The following RAD51B variants were observed in gnomAD, a reference collection of about 807,000 sequenced individuals.
RAD51B encodes the protein DNA repair protein RAD51 homolog 2.
In RAD51B, 38 loss-of-function variants were observed where a neutral mutation model predicts 42.2. That is an observed-to-expected ratio of 0.90 (90% CI 0.70 to 1.18). RAD51B has a LOEUF of 1.18. RAD51B is among the 50% of genes most tolerant of loss of function. The pLI, the probability that RAD51B is intolerant of heterozygous loss-of-function variation, is 0.00. For missense variants in RAD51B, 373 were observed against 400.7 expected, an observed-to-expected ratio of 0.93 and a Z score of 0.59; for synonymous variants, 154 against 145.2, an observed-to-expected ratio of 1.06 and a Z score of -0.43.
chr14:67,930,908 G>A (rs2044704266), intron 7 of RAD51B, among the ~76,000 whole-genome samples: 1 of 148,902 alleles, frequency 6.7e-6, no homozygotes, highest in African/African-American at 2.5e-5. Flanking sequence ...TGGTCTGCCT[G>A]GGTTATTTCT....
chr14:67,869,476 T>A (rs1000676771), intron 5 of RAD51B, among the ~76,000 whole-genome samples: 1 of 152,116 alleles, frequency 6.6e-6, no homozygotes, highest in Non-Finnish European at 1.5e-5. Flanking sequence ...TACCTGAAAG[T>A]GACGGGGAGA....
At chr14:68,543,253 T>C (rs972376634) in intron 10 of RAD51B, among the ~76,000 whole-genome samples, 3 of 152,220 alleles carry the variant, frequency 2.0e-5, no homozygotes, top group Non-Finnish European at 4.4e-5. Context: ...GGCTGTAGTT[T>C]GCCAACCCCT....
intron 10 of RAD51B, among the ~76,000 whole-genome samples, chr14:68,633,071 G>T (rs1566960346): frequency 8.0e-6 from 1 of 124,602 alleles, no homozygotes; most frequent in South Asian, 2.6e-4. Context: ...CTCCTGTCTT[G>T]GCCTCCCAAA....
intron 7 of RAD51B, among the ~76,000 whole-genome samples, chr14:68,273,505 T>TG (rs899975601): frequency 2.0e-5 from 3 of 152,200 alleles, no homozygotes; most frequent in African/African-American, 7.2e-5. Flanking sequence ...ATTGGACAGT[T>TG]GCTTGGTAAG....
chr14:68,596,104 T>G, downstream of RAD51B: 1 of 958,914 alleles, frequency 1.0e-6, no homozygotes, highest in South Asian at 5.0e-5. Flanking sequence ...TATTGGAGAT[T>G]CAAATTCTTC....
At chr14:68,661,644 A>C (rs1040459013) in intron 11 of RAD51B, among the ~76,000 whole-genome samples, 1 of 152,210 alleles carries the variant, frequency 6.6e-6, no homozygotes, top group Non-Finnish European at 1.5e-5. Context: ...AAGTGTTAGC[A>C]TGAAGGGGGC....
intron 10 of RAD51B, among the ~76,000 whole-genome samples, chr14:68,551,271 A>G (rs542121020): frequency 1.8e-4 from 27 of 152,218 alleles, no homozygotes; most frequent in Non-Finnish European, 3.1e-4. Flanking sequence ...CACACATTAA[A>G]TATCCATGCT....
At chr14:68,572,945 G>A (rs150495424) in intron 10 of RAD51B, among the ~76,000 whole-genome samples, 46 of 152,280 alleles carry the variant, frequency 3.0e-4, no homozygotes, top group African/African-American at 1.1e-3. Flanking sequence ...TACGCGTGAG[G>A]AGACAAAAGC....
chr14:68,408,880 T>C (rs2084347604), intron 8 of RAD51B, among the ~76,000 whole-genome samples: 1 of 152,182 alleles, frequency 6.6e-6, no homozygotes, highest in African/African-American at 2.4e-5. Flanking sequence ...CTTGAGATCC[T>C]GGATGAATTC....
intron 8 of RAD51B, among the ~76,000 whole-genome samples, chr14:68,328,986 T>C (rs2082297061): frequency 6.6e-6 from 1 of 152,164 alleles, no homozygotes; most frequent in Non-Finnish European, 1.5e-5. Flanking sequence ...TTATTTTGTA[T>C]ATTATGTCAC....
At chr14:67,967,776 G>A (rs1298098988) in intron 7 of RAD51B, among the ~76,000 whole-genome samples, 1 of 152,170 alleles carries the variant, frequency 6.6e-6, no homozygotes. Flanking sequence ...GGCTTTTCAA[G>A]GTGGAAGGTG....
intron 7 of RAD51B, among the ~76,000 whole-genome samples, chr14:68,145,483 C>G (rs1595466263): frequency 6.6e-6 from 1 of 152,008 alleles, no homozygotes; most frequent in South Asian, 2.1e-4. Context: ...ATTATATAAC[C>G]TACATTAAAG....
At chr14:68,123,037 G>A (rs564013623) in intron 7 of RAD51B, among the ~76,000 whole-genome samples, 2 of 152,166 alleles carry the variant, frequency 1.3e-5, no homozygotes, top group African/African-American at 2.4e-5. Context: ...TTCCAGGGGG[G>A]GGTTTTGCTG....
intron 3 of RAD51B, among the ~76,000 whole-genome samples, chr14:67,833,069 C>G (rs2041107739): frequency 6.6e-6 from 1 of 152,000 alleles, no homozygotes; most frequent in Non-Finnish European, 1.5e-5. Context: ...AAACACAACA[C>G]CAAGGATAAG....
At chr14:68,021,001 C>T (rs2075854578) in intron 7 of RAD51B, among the ~76,000 whole-genome samples, 1 of 152,078 alleles carries the variant, frequency 6.6e-6, no homozygotes, top group Non-Finnish European at 1.5e-5. Flanking sequence ...TAAGTGGATT[C>T]ACAGAGAGCT....
chr14:67,868,066 A>T (rs2042384120), intron 5 of RAD51B, among the ~76,000 whole-genome samples: 1 of 152,178 alleles, frequency 6.6e-6, no homozygotes, highest in South Asian at 2.1e-4. Flanking sequence ...TTTAAAATGT[A>T]TTAAAGAGGG....
intron 10 of RAD51B, among the ~76,000 whole-genome samples, chr14:68,584,208 C>A (rs1890346473): frequency 6.6e-6 from 1 of 152,164 alleles, no homozygotes; most frequent in African/African-American, 2.4e-5. Context: ...TCCCCACCAG[C>A]CTGTGCCACT....
rs148624400 is a variant in RAD51B, at chr14:67,852,723, C to T, written c.316-12280C>T. Among the ~76,000 whole-genome samples the T allele has an allele frequency of 2.7e-3, 406 of 152,098 alleles. 1 individual carries two copies. The highest frequency in any genetic ancestry group is 0.014 in the Middle Eastern group (4 of 294). ...GTGAGCATCATTGAGTCTTAGAGGC[C>T]GCCTACCACTGATATATGCATGTGT... On this transcript the variant is annotated intron_variant, in intron 4 of 10. Transcript: ENST00000471583.
At chr14:67,860,984 A>C (rs1330391882) in intron 4 of RAD51B, among the ~76,000 whole-genome samples, 1 of 151,878 alleles carries the variant, frequency 6.6e-6, no homozygotes, top group Non-Finnish European at 1.5e-5. Flanking sequence ...ACTTTAGCTC[A>C]GGAGTTCAAG....
Sources: allele counts gnomAD v4.1 joint callset (sites outside exome capture counted in the v4.1 genomes callset), GRCh38; gene constraint gnomAD v4.1.1; transcripts MANE v1.5; gene names NCBI Gene and HGNC (gene_info 2026-07-23, HGNC 2026-07-21).